The following NPIPB2 variants were observed in gnomAD, a reference collection of about 807,000 sequenced individuals.
NPIPB2 encodes nuclear pore complex interacting protein family member B2.
Under a neutral mutation model 30.8 loss-of-function variants are expected in NPIPB2, and 27 were observed. The ratio of observed to expected loss-of-function variants is 0.88; its 90% CI spans 0.65 to 1.21. The LOEUF is 1.21. Among genes scored for constraint, NPIPB2 ranks in the 50% most tolerant of loss-of-function variants. The pLI is 0.00. For synonymous variants in NPIPB2, 147 were observed against 162.0 expected (o/e 0.91, Z 0.70); for missense variants, 440 against 446.2 (o/e 0.99, Z 0.13).
chr16:11,959,204 G>A (rs551143621), intron 1 of NPIPB2, among the ~76,000 whole-genome samples: 29 of 152,100 alleles, frequency 1.9e-4, no homozygotes, highest in African/African-American at 6.0e-4. Context: ...TCTATGTCAC[G>A]CAAGGGCAAA....
intron 1 of NPIPB2, among the ~76,000 whole-genome samples, chr16:11,950,875 A>G (rs1358623849): frequency 6.6e-6 from 1 of 152,110 alleles, no homozygotes; most frequent in African/African-American, 2.4e-5. Context: ...CATCTAACTG[A>G]GAAGGTGCTG....
intron 1 of NPIPB2, among the ~76,000 whole-genome samples, chr16:11,950,693 C>G (rs777747795): frequency 2.6e-5 from 4 of 152,140 alleles, no homozygotes; most frequent in South Asian, 4.2e-4. Context: ...TCTTTTCTAC[C>G]GCTCCCTCCC....
At position 11,933,690 on chromosome 16, in the gene NPIPB2, G is replaced by A. The variant is rs753408600; in HGVS notation, c.315C>T (p.His105=). The A allele has an allele frequency of 1.9e-6, 3 of 1,596,898 alleles. No homozygotes were observed. In the Admixed American group the frequency reaches 5.0e-5, roughly 27 times the overall value. ...GAAAGGAAGAAACTCTTTTCTTTGT[G>A]TGCATACAAATGGACCTCAGCCCTT... Residue 105 remains histidine (H), a synonymous_variant, in exon 4 of 8, where the codon CAC becomes CAT. Coordinates refer to ENST00000399147, the Ensembl canonical transcript of NPIPB2.
At chr16:11,933,485 T>C in intron 4 of NPIPB2, 32 bp downstream of exon 4, 1 of 1,596,552 alleles carries the variant, frequency 6.3e-7, no homozygotes, top group Non-Finnish European at 8.5e-7. Context: ...ACATGGTTCA[T>C]ACAACAATAT....
upstream of NPIPB2, chr16:11,942,127 A>C: frequency 6.5e-7 from 1 of 1,532,502 alleles, no homozygotes; most frequent in Non-Finnish European, 8.7e-7. Context: ...GTATCTCAGG[A>C]ACAAATGTAC....
intron 1 of NPIPB2, among the ~76,000 whole-genome samples, chr16:11,952,717 A>G (rs1454015327): frequency 6.6e-6 from 1 of 151,870 alleles, no homozygotes; most frequent in Non-Finnish European, 1.5e-5. Flanking sequence ...GGCACGTGCC[A>G]CCATGCCTGG....
At chr16:11,934,170 C>A (rs1379435554) in intron 2 of NPIPB2, among the ~76,000 whole-genome samples, 2 of 150,548 alleles carry the variant, frequency 1.3e-5, no homozygotes, top group Non-Finnish European at 3.0e-5. Flanking sequence ...GCGGAGGTTG[C>A]AGTGAGCCGA....
chr16:11,966,125 A>T (rs1011334034), intron 1 of NPIPB2: 2 of 1,433,224 alleles, frequency 1.4e-6, no homozygotes, highest in African/African-American at 1.5e-5. Context: ...TAAATAAATA[A>T]ATAATAACAA....
upstream of NPIPB2, among the ~76,000 whole-genome samples, chr16:11,945,398 G>C (rs753740773): frequency 6.6e-6 from 1 of 151,770 alleles, no homozygotes; most frequent in East Asian, 1.9e-4. Flanking sequence ...AATAAGCAGG[G>C]TGCAGTAACT....
At chr16:11,968,093 T>A in intron 1 of NPIPB2, 1 of 474,544 alleles carries the variant, frequency 2.1e-6, no homozygotes, top group South Asian at 2.6e-5. Flanking sequence ...TTAACGTGAG[T>A]TTTTAAAAAC....
chr16:11,927,539 G>A (rs765215480), exon 8 of NPIPB2: 120 of 1,597,648 alleles, frequency 7.5e-5, no homozygotes, highest in Admixed American at 2.7e-4. Flanking sequence ...CATCTCAGCC[G>A]CTCTCCACCT....
At chr16:11,934,623 G>T (rs1215050993) in intron 2 of NPIPB2, among the ~76,000 whole-genome samples, 1 of 151,830 alleles carries the variant, frequency 6.6e-6, no homozygotes, top group East Asian at 1.9e-4. Flanking sequence ...CACTTTGGGA[G>T]GCTGAGGTGG....
intron 1 of NPIPB2, chr16:11,965,149 T>C (rs748411582): frequency 2.0e-4 from 141 of 722,356 alleles, no homozygotes; most frequent in Non-Finnish European, 3.0e-4. Flanking sequence ...GGTATTCAAA[T>C]CCTTAGCTGC....
chr16:11,969,156 C>T (rs1346984235), intron 1 of NPIPB2, among the ~76,000 whole-genome samples: 4 of 151,746 alleles, frequency 2.6e-5, no homozygotes, highest in East Asian at 3.9e-4. Context: ...TGTGAGCTAT[C>T]GCGCCCGGCC....
chr16:11,963,138 G>A (rs1011572657), intron 1 of NPIPB2, among the ~76,000 whole-genome samples: 8 of 152,186 alleles, frequency 5.3e-5, no homozygotes, highest in Non-Finnish European at 1.0e-4. Context: ...CCAGCAGTTT[G>A]AGAGGCCAAG....
intron 1 of NPIPB2, among the ~76,000 whole-genome samples, chr16:11,966,741 G>C (rs1251722659): frequency 3.9e-5 from 6 of 152,116 alleles, no homozygotes; most frequent in African/African-American, 1.2e-4. Flanking sequence ...ACAAATATAG[G>C]TGTTCTTTGC....
At chr16:11,937,592 G>A (rs779624624) in exon 2 of NPIPB2, 47 of 1,599,248 alleles carry the variant, frequency 2.9e-5, no homozygotes, top group South Asian at 7.7e-5. Context: ...TCTCGGAAAT[G>A]CAATAATGAT....
intron 1 of NPIPB2, among the ~76,000 whole-genome samples, chr16:11,951,381 G>A (rs1228417518): frequency 2.8e-5 from 4 of 144,142 alleles, no homozygotes; most frequent in Non-Finnish European, 4.5e-5. Context: ...GGAGAATGGC[G>A]TGAACCTGGG....
chr16:11,965,313 C>A, intron 1 of NPIPB2: 1 of 1,613,820 alleles, frequency 6.2e-7, no homozygotes. Flanking sequence ...CCCTTGTTTT[C>A]TTTTTGTGAT....
Sources: gnomAD v4.1 joint callset for allele counts (sites outside exome capture counted in the v4.1 genomes callset) on GRCh38, gnomAD v4.1.1 for gene constraint, MANE v1.5 for transcripts, NCBI Gene and HGNC (gene_info 2026-07-23, HGNC 2026-07-21) for gene names.